PSAP: variants seen among roughly 807,000 people sequenced by gnomAD.
The protein encoded by PSAP is prosaposin, also known as precursor of saposins.
In PSAP, 25 loss-of-function variants were observed where a neutral mutation model predicts 66.0. The ratio of observed to expected loss-of-function variants is 0.38; its 90% CI spans 0.28 to 0.53. The LOEUF (loss-of-function observed/expected upper bound fraction) is 0.53. PSAP is among the 20% of genes least tolerant of loss of function. The pLI is 0.83. For missense variants in PSAP, 649 were observed against 668.8 expected (o/e 0.97, Z 0.33); for synonymous variants, 273 against 258.9 (o/e 1.05, Z -0.52).
chr10:71,832,282 G>A (rs1055691559), intron 2 of PSAP, among the ~76,000 whole-genome samples: 2 of 152,100 alleles, frequency 1.3e-5, no homozygotes, highest in Admixed American at 1.3e-4. Context: ...GTGGGACAGA[G>A]AAACAAACGC....
At chr10:71,843,030 A>G (rs1020994127) in intron 1 of PSAP, among the ~76,000 whole-genome samples, 8 of 152,150 alleles carry the variant, frequency 5.3e-5, no homozygotes, top group African/African-American at 1.9e-4. Context: ...TGCTGCAGAC[A>G]CAGCAAGCGA....
At chr10:71,843,224 G>A (rs775958735) in intron 1 of PSAP, among the ~76,000 whole-genome samples, 24 of 152,146 alleles carry the variant, frequency 1.6e-4, no homozygotes, top group Admixed American at 6.6e-4. Context: ...TTCCAGAGAG[G>A]TGGAATTCAA....
intron 8 of PSAP, 47 bp downstream of exon 8, chr10:71,821,829 T>A: frequency 6.2e-7 from 1 of 1,613,000 alleles, no homozygotes; most frequent in Non-Finnish European, 8.5e-7. Flanking sequence ...CAGGGAGTAG[T>A]GTGGCATTGC....
Position 71,818,881 on chromosome 10 carries a change from T to TG in PSAP, c.1431+149dup, listed in dbSNP as rs1554879724. 3.9e-5 allele frequency: 39 copies of TG among 1,007,870 alleles called. 1 individual carries two copies. The Middle Eastern group carries it at 6.9e-4, about 18-fold the overall frequency. 62.4% of individuals were successfully genotyped at this position (1,007,870 alleles called of 1,614,324 possible). A position where few individuals can be genotyped will look rare whatever the true frequency, so the allele number is the denominator to read the frequency against. On this transcript the variant is annotated intron_variant, in intron 12 of 13. Coordinates refer to ENST00000394936, the MANE Select transcript of PSAP (RefSeq NM_002778.4). ...GGTTGCTGAGGAAAGCGATGGGGCT[T>TG]GGGGGGCTGGCTCCCTACCTTCTTG...
At chr10:71,849,051 CTT>C (rs1261253182) in intron 1 of PSAP, among the ~76,000 whole-genome samples, 3 of 152,016 alleles carry the variant, frequency 2.0e-5, no homozygotes, top group Non-Finnish European at 4.4e-5. Context: ...AATCAGAACT[CTT>C]AAGGGTCTTG....
chr10:71,830,843 T>A (rs1340711235), intron 4 of PSAP, among the ~76,000 whole-genome samples: 1 of 152,230 alleles, frequency 6.6e-6, no homozygotes, highest in East Asian at 1.9e-4. Context: ...AGATTGGACA[T>A]GATGTATCCA....
chr10:71,840,257 G>A (rs1842711174), intron 1 of PSAP, among the ~76,000 whole-genome samples: 1 of 152,110 alleles, frequency 6.6e-6, no homozygotes, highest in Non-Finnish European at 1.5e-5. Context: ...ATTCCACAGG[G>A]CAGCAGATCT....
rs1564814404 is a variant in PSAP, at chr10:71,818,660, G to C, written c.1496C>G (p.Pro499Arg). ...LLGTEKCIWG[P>R]SYWCQNTETA... ...CTCTGTGTTCTGGCACCAGTAGCTT[G>C]GGCCCCATATACACTTCTCAGTTCC... The change falls in exon 13 of 14, where the codon CCA (proline) becomes CGA (arginine). Residue 499 changes from proline to arginine, a missense_variant. Physicochemically the swap from Pro to Arg is moderately radical, Grantham distance 103. Transcript: ENST00000394936. 6.2e-7 allele frequency: 1 copy of C among 1,614,118 alleles called. No individual in the cohort carries two copies. Among genetic ancestry groups the C allele is most frequent in the Middle Eastern group, 1.7e-4 (1 of 6,000 alleles).
chr10:71,824,578 G>C (rs932693843), intron 7 of PSAP, among the ~76,000 whole-genome samples: 1 of 152,196 alleles, frequency 6.6e-6, no homozygotes. Context: ...GGCCACCGGG[G>C]ACCAATTATG....
rs912101083 is a variant in PSAP at position 71,817,238 on chromosome 10, G to C, written c.*203C>G. The C allele has an allele frequency of 3.6e-5, 25 of 686,192 alleles. No individual in the cohort carries two copies. Among genetic ancestry groups the C allele is most frequent in the Non-Finnish European group, 5.2e-5 (20 of 381,126 alleles). The allele number at this position is 686,192 out of a possible 1,614,324, so 42.5% of individuals were successfully genotyped here. ...AACATCCATCTAGCAGAGAGAAAAG[G>C]GGCACTGAAGCAGCTATGTCTGCCA... is the stretch of plus-strand genomic sequence containing the variant. On this transcript the variant is annotated 3_prime_UTR_variant, in exon 14 of 14. Transcript: ENST00000394936.
At chr10:71,825,196 A>G (rs1842379075) in intron 7 of PSAP, among the ~76,000 whole-genome samples, 1 of 152,212 alleles carries the variant, frequency 6.6e-6, no homozygotes, top group Non-Finnish European at 1.5e-5. Context: ...AGTAGTCAGA[A>G]AGCATGACAG....
chr10:71,847,182 C>T (rs1315966563), intron 1 of PSAP, among the ~76,000 whole-genome samples: 1 of 151,980 alleles, frequency 6.6e-6, no homozygotes, highest in Non-Finnish European at 1.5e-5. Flanking sequence ...GGGCCGGGTG[C>T]GGTGGCTCAC....
At chr10:71,829,217 C>A in intron 4 of PSAP, 140 bp from the exon 5 acceptor site, 1 of 871,316 alleles carries the variant, frequency 1.1e-6, no homozygotes, top group South Asian at 1.4e-5. Flanking sequence ...TCAAACTGCT[C>A]AGCATACCAA....
intron 11 of PSAP, 76 bp downstream of exon 11, chr10:71,819,389 C>T: frequency 6.3e-7 from 1 of 1,586,380 alleles, no homozygotes; most frequent in Non-Finnish European, 8.6e-7. Flanking sequence ...GGTTTTCCAT[C>T]AAAATGTACC....
At chr10:71,817,848 C>G (rs1480481816) in intron 13 of PSAP, among the ~76,000 whole-genome samples, 1 of 152,224 alleles carries the variant, frequency 6.6e-6, no homozygotes, top group East Asian at 1.9e-4. Flanking sequence ...CACACCAGCT[C>G]GGGCCTTGAG....
chr10:71,834,413 C>G lies in PSAP; in HGVS notation c.133G>C (p.Val45Leu), dbSNP rs756076001. Residue 45 changes from valine to leucine, a missense_variant, in exon 2 of 14, where the codon GTG (valine) becomes CTG (leucine). Transcript: ENST00000394936. ...NVKTASDCGAVKHCLQTVWNK... is the reference protein window; with the variant it reads ...NVKTASDCGALKHCLQTVWNK... ...CAAACGGTCTGCAGGCAGTGCTTCA[C>G]TGCCCCGCAGTCGGACGCCGTCTTC... The G allele has an allele frequency of 6.2e-7, 1 of 1,614,072 alleles. No individual in the cohort carries two copies. Among genetic ancestry groups the G allele is most frequent in the South Asian group, 1.1e-5 (1 of 91,064 alleles).
chr10:71,847,457 A>G (rs1589461601), intron 1 of PSAP, among the ~76,000 whole-genome samples: 1 of 152,230 alleles, frequency 6.6e-6, no homozygotes, highest in African/African-American at 2.4e-5. Context: ...CAGAGGTGGG[A>G]AAATCGCTTG....
At chr10:71,827,874 A>G (rs1842424986) in intron 6 of PSAP, 140 bp downstream of exon 6, 3 of 1,199,490 alleles carry the variant, frequency 2.5e-6, no homozygotes, top group Non-Finnish European at 3.6e-6. Flanking sequence ...ATTAACCAAA[A>G]TAGATTCAAG....
chr10:71,837,759 T>C (rs998329963), intron 1 of PSAP, among the ~76,000 whole-genome samples: 15 of 152,108 alleles, frequency 9.9e-5, no homozygotes, highest in African/African-American at 2.7e-4. Flanking sequence ...CAAAACGAAA[T>C]TGGAATTGGC....
Sources: allele counts gnomAD v4.1 joint callset (sites outside exome capture counted in the v4.1 genomes callset), GRCh38; gene constraint gnomAD v4.1.1; transcripts MANE v1.5; gene names NCBI Gene and HGNC (gene_info 2026-07-23, HGNC 2026-07-21).